DPP6: variants seen among roughly 807,000 people sequenced by gnomAD.
The protein encoded by DPP6 is dipeptidyl peptidase like 6.
Under a neutral mutation model 122.6 loss-of-function variants are expected in DPP6, and 69 were observed. The observed-to-expected ratio is 0.56, with a 90% CI of 0.46 to 0.69. The LOEUF (loss-of-function observed/expected upper bound fraction) is 0.69. Among genes scored for constraint, DPP6 ranks in the 30% least tolerant of loss-of-function variants. DPP6 has a pLI of 0.00. For synonymous variants in DPP6, 418 were observed against 433.1 expected (o/e 0.97, Z 0.43); for missense variants, 928 against 1,116.9 (o/e 0.83, Z 2.41).
At chr7:153,754,906 T>C in the DPP6 span, among the ~76,000 whole-genome samples, 1 of 152,092 alleles carries the variant, frequency 6.6e-6, no homozygotes. Context: ...TTGTTTTTTT[T>C]TTTAATTCAC....
At chr7:154,718,606 G>A (rs1418766195) in intron 7 of DPP6, among the ~76,000 whole-genome samples, 1 of 149,738 alleles carries the variant, frequency 6.7e-6, no homozygotes, top group East Asian at 2.0e-4. Flanking sequence ...TTTAAAGCTG[G>A]CTTGCCTGGG....
chr7:154,761,066 C>T (rs1424672350), intron 8 of DPP6, among the ~76,000 whole-genome samples: 1 of 152,178 alleles, frequency 6.6e-6, no homozygotes, highest in African/African-American at 2.4e-5. Flanking sequence ...AACTCTTGAC[C>T]TTAAGTGATC....
chr7:154,785,540 A>T (rs1797286386), intron 10 of DPP6, among the ~76,000 whole-genome samples: 1 of 152,254 alleles, frequency 6.6e-6, no homozygotes. Flanking sequence ...TACATTAACT[A>T]CAGAGAGGAG....
At chr7:154,574,368 ATG>A (rs1222621586) in intron 5 of DPP6, among the ~76,000 whole-genome samples, 1 of 88,654 alleles carries the variant, frequency 1.1e-5, no homozygotes, top group South Asian at 3.7e-4. Context: ...TGTGTTGTGT[ATG>A]TGTGTGTATG....
chr7:154,073,531 C>T (rs1218895680), intron 1 of DPP6, among the ~76,000 whole-genome samples: 2 of 152,236 alleles, frequency 1.3e-5, no homozygotes, highest in African/African-American at 2.4e-5. Flanking sequence ...GCCCAGAAGA[C>T]TCAAGGACGA....
intron 16 of DPP6, among the ~76,000 whole-genome samples, chr7:154,820,856 G>T (rs527928490): frequency 6.6e-6 from 1 of 152,246 alleles, no homozygotes; most frequent in East Asian, 1.9e-4. Context: ...TAAGAATTTT[G>T]GAGAAGATCT....
rs138959596 is a variant in DPP6 at position 154,690,513 on chromosome 7, T to C, written c.762+21072T>C. Among the ~76,000 whole-genome samples, 148 of 152,242 alleles carry C rather than the reference T, an allele frequency of 9.7e-4. No individual in the cohort carries two copies. In the Middle Eastern group the frequency reaches 0.01, roughly 10 times the overall value. On this transcript the variant is annotated intron_variant, in intron 7 of 25. Transcript: ENST00000377770. ...GAGAATGGAACGGTGCCCATGAGAC[T>C]GTAGGACTTCATGACCTTCAGCTGT...
intron 16 of DPP6, among the ~76,000 whole-genome samples, chr7:154,837,125 G>A (rs972499189): frequency 6.6e-6 from 1 of 151,598 alleles, no homozygotes; most frequent in Non-Finnish European, 1.5e-5. Context: ...ACACATGCAT[G>A]CAGGCACATT....
At chr7:153,893,353 A>C (rs1381405057) in intron 1 of DPP6, among the ~76,000 whole-genome samples, 1 of 152,200 alleles carries the variant, frequency 6.6e-6, no homozygotes. Flanking sequence ...TATTACCAAG[A>C]GGTGTGGTGC....
In DPP6 at chr7:154,760,330, G is replaced by T. The variant is rs1471136845; in HGVS notation, c.884-9087G>T. The stretch of plus-strand genomic sequence containing the variant: ...ATTTCTTCACGATTACTCATGGGCT[G>T]TGTGTGCAAATTCAGGGGGGTGGGG... On this transcript the variant is annotated intron_variant, in intron 8 of 25. Coordinates refer to ENST00000377770, the MANE Select transcript of DPP6 (RefSeq NM_130797.4). This position sits in a 1 kb window ranked among gnomAD's most constrained non-coding sequence, Gnocchi z 4.5. Among the ~76,000 whole-genome samples, 1 of 152,182 alleles carries T rather than the reference G, an allele frequency of 6.6e-6. No homozygotes were observed. The highest frequency in any genetic ancestry group is 1.5e-5 in the Non-Finnish European group (1 of 68,042).
intron 6 of DPP6, among the ~76,000 whole-genome samples, chr7:154,653,545 T>C (rs1837021489): frequency 6.6e-6 from 1 of 152,064 alleles, no homozygotes; most frequent in Non-Finnish European, 1.5e-5. Context: ...GATAGATAGA[T>C]ATAGATAGAT....
At chr7:154,549,792 G>A (rs998374738) in intron 4 of DPP6, among the ~76,000 whole-genome samples, 1 of 152,084 alleles carries the variant, frequency 6.6e-6, no homozygotes, top group Admixed American at 6.6e-5. Context: ...ATCATGACAC[G>A]AGGTTACATG....
chr7:153,956,464 G>A (rs184873789), intron 1 of DPP6, among the ~76,000 whole-genome samples: 2 of 152,294 alleles, frequency 1.3e-5, no homozygotes, highest in Admixed American at 6.5e-5. Flanking sequence ...AGCATAGAAA[G>A]CCCAGGTGAT....
chr7:153,773,862 C>CAAAAAAAAAAAAGAAAAAAAAAAAAAA, the DPP6 span, among the ~76,000 whole-genome samples: 1 of 90,774 alleles, frequency 1.1e-5, no homozygotes, highest in Non-Finnish European at 2.5e-5. Flanking sequence ...GCAACAAAGA[C>CAAAAAAAAAAAAGAAAAAAAAAAAAAA]AAAAAAAAAA....
intron 6 of DPP6, among the ~76,000 whole-genome samples, chr7:154,663,072 A>G (rs1837863228): frequency 3.4e-5 from 2 of 59,586 alleles, no homozygotes; most frequent in African/African-American, 4.2e-5. Flanking sequence ...GTGAATCACC[A>G]TGGTATATTG....
At chr7:154,155,104 T>A (rs559377060) in intron 1 of DPP6, among the ~76,000 whole-genome samples, 196 of 152,116 alleles carry the variant, frequency 1.3e-3, no homozygotes, top group African/African-American at 4.5e-3. Context: ...CGCAATACCA[T>A]TCTCATTAGA....
chr7:154,235,123 A>C (rs1454667576), intron 1 of DPP6, among the ~76,000 whole-genome samples: 1 of 152,190 alleles, frequency 6.6e-6, no homozygotes, highest in Non-Finnish European at 1.5e-5. Flanking sequence ...ACCACAATCG[A>C]TTTTAGGACA....
chr7:154,271,243 A>C (rs1431774091), intron 1 of DPP6, among the ~76,000 whole-genome samples: 2 of 152,140 alleles, frequency 1.3e-5, no homozygotes, highest in East Asian at 3.9e-4. Flanking sequence ...TACCCCATTT[A>C]TGTGTCGATC....
At chr7:153,936,819 AAAG>A (rs1247090046) in intron 1 of DPP6, among the ~76,000 whole-genome samples, 1 of 152,066 alleles carries the variant, frequency 6.6e-6, no homozygotes, top group African/African-American at 2.4e-5. Flanking sequence ...TCAAAAAAAA[AAAG>A]AAATGTGAGA....
Sources: allele counts gnomAD v4.1 joint callset (sites outside exome capture counted in the v4.1 genomes callset), GRCh38; gene constraint gnomAD v4.1.1; non-coding constraint Gnocchi (gnomAD v3.1); transcripts MANE v1.5; gene names NCBI Gene and HGNC (gene_info 2026-07-23, HGNC 2026-07-21).